Variants in SPOCK3 observed in about 807,000 individuals in gnomAD.
SPOCK3 encodes SPARC (osteonectin), cwcv and kazal like domains proteoglycan 3.
In SPOCK3, 30 loss-of-function variants were observed where a neutral mutation model predicts 56.6. The ratio of observed to expected loss-of-function variants is 0.53; its 90% CI spans 0.40 to 0.72. The LOEUF (loss-of-function observed/expected upper bound fraction) is 0.72. SPOCK3 is among the 30% of genes least tolerant of loss of function. The probability of loss-of-function intolerance (pLI) is 0.00; values close to 1 mark genes in which losing one functional copy is unlikely to be tolerated. For synonymous variants in SPOCK3, 196 were observed against 183.3 expected, an observed-to-expected ratio of 1.07 and a Z score of -0.56; for missense variants, 527 against 530.0, an observed-to-expected ratio of 0.99 and a Z score of 0.06.
At chr4:167,228,278 A>G (rs1580694838) in intron 2 of SPOCK3, among the ~76,000 whole-genome samples, 1 of 152,282 alleles carries the variant, frequency 6.6e-6, no homozygotes, top group Non-Finnish European at 1.5e-5. Context: ...TACGCACATA[A>G]ATACATATAA....
intron 6 of SPOCK3, among the ~76,000 whole-genome samples, chr4:166,873,713 C>G (rs562804907): frequency 6.6e-6 from 1 of 152,176 alleles, no homozygotes; most frequent in East Asian, 1.9e-4. Context: ...TAGTTTGATT[C>G]CTGACCAATA....
chr4:167,036,589 G>A (rs1019693794), intron 3 of SPOCK3, among the ~76,000 whole-genome samples: 17 of 152,140 alleles, frequency 1.1e-4, no homozygotes, highest in African/African-American at 3.9e-4. Context: ...ATGCCTTTAA[G>A]ATATGGTGTA....
At chr4:166,769,622 C>T (rs1738651302) in intron 7 of SPOCK3, among the ~76,000 whole-genome samples, 1 of 152,112 alleles carries the variant, frequency 6.6e-6, no homozygotes, top group African/African-American at 2.4e-5. Context: ...CCCAGTTAGG[C>T]TACTCGGGGG....
intron 4 of SPOCK3, among the ~76,000 whole-genome samples, chr4:166,956,906 C>G (rs1204756400): frequency 2.0e-5 from 3 of 152,152 alleles, no homozygotes; most frequent in Non-Finnish European, 4.4e-5. Flanking sequence ...CTTCATCATA[C>G]ACAGTGAGCA....
At chr4:167,145,717 T>C (rs570641498) in intron 2 of SPOCK3, among the ~76,000 whole-genome samples, 1 of 152,208 alleles carries the variant, frequency 6.6e-6, no homozygotes, top group African/African-American at 2.4e-5. Flanking sequence ...CTAAGCTTCA[T>C]AAGCAAAGGA....
intron 4 of SPOCK3, among the ~76,000 whole-genome samples, chr4:166,926,955 T>G (rs1739176860): frequency 1.3e-5 from 2 of 152,100 alleles, no homozygotes; most frequent in Non-Finnish European, 2.9e-5. Flanking sequence ...ATTTCAAGAT[T>G]TATAATGCTT....
At chr4:166,928,561 A>T (rs9654307) in intron 4 of SPOCK3, among the ~76,000 whole-genome samples, 90,063 of 151,806 alleles carry the variant, frequency 0.59, 27,595 homozygotes, top group African/African-American at 0.75. Context: ...AGATCACAGA[A>T]GACTTTTAGT....
rs147754620 is a variant in SPOCK3, at chr4:166,771,513, G to A, written c.710-16784C>T. ...GTTCAATGACCTGAATCTAAGTTAG[G>A]TAGTTTGACATCCTCAGTCCAAACC... is the stretch of plus-strand genomic sequence containing the variant. On this transcript the variant is annotated intron_variant, in intron 7 of 10. Transcript: ENST00000357545. Among the ~76,000 whole-genome samples, 371 of 152,124 alleles carry A rather than the reference G, an allele frequency of 2.4e-3. 3 individuals carry two copies. Among genetic ancestry groups the A allele is most frequent in the African/African-American group, 8.3e-3 (346 of 41,542 alleles).
At chr4:167,141,982 A>T (rs1763570040) in intron 2 of SPOCK3, among the ~76,000 whole-genome samples, 1 of 152,046 alleles carries the variant, frequency 6.6e-6, no homozygotes, top group Non-Finnish European at 1.5e-5. Context: ...CTTTCTCAAC[A>T]GCAACACTGG....
chr4:166,973,763 T>C (rs1745638552), intron 4 of SPOCK3, among the ~76,000 whole-genome samples: 1 of 152,164 alleles, frequency 6.6e-6, no homozygotes, highest in African/African-American at 2.4e-5. Context: ...TAATGGCCGC[T>C]AGAAAAGATA....
intron 6 of SPOCK3, among the ~76,000 whole-genome samples, chr4:166,849,479 C>A (rs925763035): frequency 6.6e-6 from 1 of 151,604 alleles, no homozygotes; most frequent in Non-Finnish European, 1.5e-5. Flanking sequence ...ATAATAGGCA[C>A]AATTAGAGAA....
chr4:167,086,123 A>G (rs6830687), intron 2 of SPOCK3, among the ~76,000 whole-genome samples: 15,860 of 152,092 alleles, frequency 0.1, 1,142 homozygotes, highest in African/African-American at 0.21. Context: ...TTTAAATGTC[A>G]TAAAAATAAA....
chr4:167,179,371 C>G (rs970648531), intron 2 of SPOCK3, among the ~76,000 whole-genome samples: 2 of 152,116 alleles, frequency 1.3e-5, no homozygotes, highest in African/African-American at 4.8e-5. Context: ...CAAAAAATAC[C>G]ATAGACAATG....
At chr4:167,207,801 C>G (rs1478598066) in intron 2 of SPOCK3, among the ~76,000 whole-genome samples, 1 of 152,052 alleles carries the variant, frequency 6.6e-6, no homozygotes, top group Non-Finnish European at 1.5e-5. Flanking sequence ...AGCACACCAG[C>G]ATGGCACATG....
chr4:166,911,199 G>A lies in SPOCK3; in HGVS notation c.474+1421C>T, dbSNP rs148149736. ...TACATCTATAAAAGTTTAGCAGGTAGACATATGACAGCTTCACTAAGGATA... is the reference window on the plus strand; with the variant it reads ...TACATCTATAAAAGTTTAGCAGGTAAACATATGACAGCTTCACTAAGGATA... On this transcript the variant is annotated intron_variant, in intron 5 of 10. Coordinates refer to ENST00000357545, the MANE Select transcript of SPOCK3 (RefSeq NM_001040159.2). Among the ~76,000 whole-genome samples, 7 of 152,236 alleles carry A rather than the reference G, an allele frequency of 4.6e-5. No homozygotes were observed. The East Asian group carries it at 1.4e-3, about 30-fold the overall frequency.
intron 4 of SPOCK3, among the ~76,000 whole-genome samples, chr4:166,928,698 C>T (rs1404689884): frequency 2.0e-5 from 3 of 152,070 alleles, no homozygotes; most frequent in South Asian, 4.1e-4. Context: ...AGGCCAGGCA[C>T]GGTGGCTCAC....
chr4:166,774,848 C>T (rs1221129385), intron 7 of SPOCK3, among the ~76,000 whole-genome samples: 3 of 152,280 alleles, frequency 2.0e-5, no homozygotes, highest in African/African-American at 7.2e-5. Flanking sequence ...AAGAAACCTT[C>T]TTCACAAATT....
chr4:166,804,517 A>G (rs1742948570), intron 6 of SPOCK3, among the ~76,000 whole-genome samples: 1 of 152,156 alleles, frequency 6.6e-6, no homozygotes, highest in African/African-American at 2.4e-5. Flanking sequence ...ACATTATCAC[A>G]ATGTCACAGG....
intron 2 of SPOCK3, among the ~76,000 whole-genome samples, chr4:167,195,251 G>T (rs1341239783): frequency 6.6e-6 from 1 of 152,200 alleles, no homozygotes; most frequent in African/African-American, 2.4e-5. Flanking sequence ...GTACAGAGCT[G>T]CTTCAAGTGA....
Sources: allele counts gnomAD v4.1 joint callset (sites outside exome capture counted in the v4.1 genomes callset), GRCh38; gene constraint gnomAD v4.1.1; transcripts MANE v1.5; gene names NCBI Gene and HGNC (gene_info 2026-07-23, HGNC 2026-07-21).